The following WARS2 variants were observed in gnomAD, a reference collection of about 807,000 sequenced individuals.
WARS2 encodes the protein tryptophan--tRNA ligase, mitochondrial.
WARS2 carries 28 observed loss-of-function variants against 36.5 expected under a neutral mutation model. The observed-to-expected ratio is 0.77, with a 90% CI of 0.57 to 1.05. The LOEUF (loss-of-function observed/expected upper bound fraction) is 1.05, where lower values mean the gene tolerates loss of function less well. Ranked by LOEUF, WARS2 falls within the 50% of genes least tolerant of loss-of-function variation. The probability of loss-of-function intolerance (pLI) is 0.00; values close to 1 mark genes in which losing one functional copy is unlikely to be tolerated. For missense variants in WARS2, 435 were observed against 456.8 expected (o/e 0.95, Z 0.44); for synonymous variants, 174 against 178.4 (o/e 0.98, Z 0.20).
rs2101093532 is a variant in WARS2, at chr1:119,033,003, A to G, written c.991T>C (p.Leu331=). ...IEKLKLDKDH[L]EKVLQIGSAK... ...GATCCAATTTGTAAAACCTTCTCTA[A>G]ATGGTCCTTGTCCAGCTTCAGTTTT... The change falls in exon 6 of 6, where the codon TTA becomes CTA. Residue 331 remains leucine, a synonymous_variant. Transcript: ENST00000235521. The G allele has an allele frequency of 6.2e-7, 1 of 1,614,198 alleles. No homozygotes were observed. The highest frequency in any genetic ancestry group is 2.2e-5 in the East Asian group (1 of 44,876).
intron 1 of WARS2, among the ~76,000 whole-genome samples, chr1:119,123,570 CTGTGTGCAAGAGCATGCACT>C (rs1356540016): frequency 2.6e-5 from 4 of 151,852 alleles, no homozygotes; most frequent in Non-Finnish European, 5.9e-5. Context: ...GTGTTTTTGA[CTGTGTGCAAGAGCATGCACT>C]TGTGTGCATG....
chr1:119,114,146 T>C (rs1168922827), intron 1 of WARS2, among the ~76,000 whole-genome samples: 2 of 152,124 alleles, frequency 1.3e-5, no homozygotes, highest in Non-Finnish European at 2.9e-5. Context: ...AGGTAGGAGA[T>C]GGTGGGGCCA....
In WARS2 at chr1:119,076,604, C is replaced by G. The variant is rs1557963468; in HGVS notation, c.94G>C (p.Asp32His). Residue 32 changes from aspartate (D) to histidine (H), a missense_variant, in exon 2 of 6, where the codon GAC becomes CAC. Transcript: ENST00000235521. ...GSAAAPALQK[D>H]SKKRVFSGIQ... is the part of the protein sequence containing the mutation. Reference sequence around the variant, plus strand: ...CCGGAAAATACTCGCTTCTTGCTGTCTTTCTGGAACAAAGGAAAACAAGCA... The same window carrying G: ...CCGGAAAATACTCGCTTCTTGCTGTGTTTCTGGAACAAAGGAAAACAAGCA... 6.2e-7 allele frequency: 1 copy of G among 1,614,002 alleles called. No homozygotes were observed. Among genetic ancestry groups the G allele is most frequent in the East Asian group, 2.2e-5 (1 of 44,884 alleles).
intron 1 of WARS2, among the ~76,000 whole-genome samples, chr1:119,121,863 C>T (rs769061876): frequency 5.3e-5 from 8 of 152,106 alleles, no homozygotes; most frequent in Admixed American, 1.3e-4. Context: ...AAACTGGATC[C>T]TCATCTCTCA....
chr1:119,041,504 C>T (rs1485158106), intron 4 of WARS2, among the ~76,000 whole-genome samples: 1 of 152,146 alleles, frequency 6.6e-6, no homozygotes, highest in East Asian at 1.9e-4. Flanking sequence ...AGGTACCCTA[C>T]ATCATATTTT....
At chr1:119,086,443 C>G (rs1234111813) in intron 1 of WARS2, among the ~76,000 whole-genome samples, 3 of 152,088 alleles carry the variant, frequency 2.0e-5, no homozygotes, top group African/African-American at 4.8e-5. Context: ...AACTGTGTAC[C>G]CTTTTTCAAA....
intron 1 of WARS2, chr1:119,126,748 CT>C: frequency 1.4e-6 from 1 of 736,556 alleles, no homozygotes; most frequent in Middle Eastern, 2.7e-4. Flanking sequence ...TTTTCTATGT[CT>C]TTTCCAATAC....
chr1:119,082,489 A>C (rs1387467843), intron 1 of WARS2: 1 of 979,560 alleles, frequency 1.0e-6, no homozygotes, highest in Non-Finnish European at 1.2e-6. Context: ...CTAGGGAAGG[A>C]CACTGCTAAG....
chr1:119,110,553 T>C (rs1654554179), intron 1 of WARS2, among the ~76,000 whole-genome samples: 1 of 152,042 alleles, frequency 6.6e-6, no homozygotes. Flanking sequence ...TTCAGGACTT[T>C]TTTTTTAATA....
chr1:119,046,411 T>G (rs540713669), intron 2 of WARS2, among the ~76,000 whole-genome samples: 1 of 150,096 alleles, frequency 6.7e-6, no homozygotes, highest in Non-Finnish European at 1.5e-5. Flanking sequence ...TGCAGTGGTG[T>G]GATCTCAGTT....
At chr1:119,082,283 G>T (rs1043671101) in intron 1 of WARS2, 56 of 985,180 alleles carry the variant, frequency 5.7e-5, no homozygotes, top group Non-Finnish European at 6.5e-5. Flanking sequence ...GCTTATTTAG[G>T]CCATTTTCAA....
intron 1 of WARS2, among the ~76,000 whole-genome samples, chr1:119,107,667 AAGAAAGAGAGAGAG>A (rs1227979454): frequency 2.7e-5 from 2 of 75,120 alleles, no homozygotes; most frequent in East Asian, 6.7e-4. Context: ...GAAATAGAAA[AAGAAAGAGAGAGAG>A]AGAGAGAGAG....
At chr1:119,048,969 G>A (rs1216250518) in intron 2 of WARS2, among the ~76,000 whole-genome samples, 3 of 152,100 alleles carry the variant, frequency 2.0e-5, no homozygotes, top group Non-Finnish European at 1.5e-5. Context: ...AGGCTGAGGC[G>A]GGGGAATCTC....
At chr1:119,112,329 A>G (rs775349924) in intron 1 of WARS2, among the ~76,000 whole-genome samples, 8 of 152,208 alleles carry the variant, frequency 5.3e-5, no homozygotes, top group Non-Finnish European at 1.0e-4. Context: ...GGTGGCAGAG[A>G]AGCATGGCAA....
intron 2 of WARS2, chr1:119,064,747 T>G (rs966008095): frequency 6.5e-6 from 1 of 152,888 alleles, no homozygotes; most frequent in Non-Finnish European, 1.5e-5. Flanking sequence ...GGCCTCCCCA[T>G]GTAAAACTCT....
intron 2 of WARS2, among the ~76,000 whole-genome samples, chr1:119,059,312 A>G (rs1478854766): frequency 6.6e-6 from 1 of 151,864 alleles, no homozygotes; most frequent in South Asian, 2.1e-4. Context: ...TAGTTTAATT[A>G]GATCCCATTT....
intron 1 of WARS2, among the ~76,000 whole-genome samples, chr1:119,110,172 G>A (rs956772901): frequency 2.0e-5 from 3 of 151,796 alleles, no homozygotes; most frequent in Non-Finnish European, 2.9e-5. Flanking sequence ...AGCTAAATTA[G>A]GAATAAGAAA....
chr1:119,059,855 C>A (rs537735599), intron 2 of WARS2, among the ~76,000 whole-genome samples: 1 of 152,104 alleles, frequency 6.6e-6, no homozygotes, highest in Admixed American at 6.5e-5. Flanking sequence ...AAATGCTGCA[C>A]GTTCTTACTT....
intron 1 of WARS2, among the ~76,000 whole-genome samples, chr1:119,127,788 C>T (rs375471502): frequency 1.3e-4 from 20 of 152,290 alleles, no homozygotes; most frequent in African/African-American, 4.1e-4. Flanking sequence ...TTCTTTCCAT[C>T]TCTTTCCTGT....
Sources: gnomAD v4.1 joint callset for allele counts (sites outside exome capture counted in the v4.1 genomes callset) on GRCh38, gnomAD v4.1.1 for gene constraint, MANE v1.5 for transcripts, NCBI Gene and HGNC (gene_info 2026-07-23, HGNC 2026-07-21) for gene names.